The following NTN4 variants were observed in gnomAD, a reference collection of about 807,000 sequenced individuals.
The protein encoded by NTN4 is netrin 4.
NTN4 carries 32 observed loss-of-function variants against 73.6 expected under a neutral mutation model. That is an observed-to-expected ratio of 0.44 (90% CI 0.33 to 0.58). The LOEUF is 0.58. Ranked by LOEUF, NTN4 falls within the 20% of genes least tolerant of loss-of-function variation. NTN4 has a pLI of 0.04. For missense variants in NTN4, 654 were observed against 798.3 expected, an observed-to-expected ratio of 0.82 and a Z score of 2.18; for synonymous variants, 258 against 287.5, an observed-to-expected ratio of 0.90 and a Z score of 1.04.
chr12:95,681,518 T>C (rs1357796503), intron 7 of NTN4, among the ~76,000 whole-genome samples: 1 of 152,252 alleles, frequency 6.6e-6, no homozygotes, highest in Non-Finnish European at 1.5e-5. Flanking sequence ...TTTAACTTGA[T>C]GTGAGTTTAA....
chr12:95,755,123 A>T (rs2078939004), intron 2 of NTN4, among the ~76,000 whole-genome samples: 1 of 152,242 alleles, frequency 6.6e-6, no homozygotes, highest in African/African-American at 2.4e-5. Flanking sequence ...TTCCTAAAAT[A>T]TATGTAATTC....
chr12:95,773,155 C>T (rs1431970074), intron 2 of NTN4, among the ~76,000 whole-genome samples: 1 of 152,114 alleles, frequency 6.6e-6, no homozygotes, highest in African/African-American at 2.4e-5. Flanking sequence ...AGGCACCTGC[C>T]ACCACGCCCA....
chr12:95,712,787 CTTTTTTTTTTTTTT>C (rs35614636), intron 4 of NTN4, among the ~76,000 whole-genome samples: 9 of 105,734 alleles, frequency 8.5e-5, no homozygotes, highest in African/African-American at 1.5e-4. Context: ...TTCTTTCTTT[CTTTTTTTTTTTTTT>C]TTTTTTTTGT....
At chr12:95,731,523 G>A (rs1592691219) in intron 3 of NTN4, among the ~76,000 whole-genome samples, 1 of 152,046 alleles carries the variant, frequency 6.6e-6, no homozygotes. Context: ...CCGAGATTGC[G>A]CCACTGTGCA....
rs1340471777 is a variant in NTN4, at chr12:95,789,174, T to C, written c.55+1081A>G. 2.0e-5 allele frequency among the ~76,000 whole-genome samples: 3 copies of C among 152,206 alleles called. No homozygotes were observed. The highest frequency in any genetic ancestry group is 4.4e-5 in the Non-Finnish European group (3 of 68,038). ...AGTCACTCAAGGGACTATTCAATGA[T>C]ACTAAGGATGCTCCTGTGACTTGGA... On this transcript the variant is annotated intron_variant, in intron 1 of 9. Transcript: ENST00000343702. This position sits in a 1 kb window ranked among gnomAD's most constrained non-coding sequence, Gnocchi z 4.0.
intron 7 of NTN4, among the ~76,000 whole-genome samples, chr12:95,680,438 G>C (rs2078306590): frequency 6.6e-6 from 1 of 152,238 alleles, no homozygotes; most frequent in African/African-American, 2.4e-5. Context: ...TAGCCCGCAA[G>C]CTATAGAAAA....
At position 95,770,992 on chromosome 12, in the gene NTN4, G is replaced by GTTTC. The variant is rs1555221591; in HGVS notation, c.585+15946_585+15947insGAAA. On this transcript the variant is annotated intron_variant, in intron 2 of 9. Transcript: ENST00000343702. ...GATGAACCATCCAGGAAAAGAATTT[G>GTTTC]TTTTTTTTTTTTTTTGAGACAGAGT... is the stretch of plus-strand genomic sequence containing the variant. Among the ~76,000 whole-genome samples, 322 of 70,790 alleles carry GTTTC rather than the reference G, an allele frequency of 4.5e-3. 3 individuals are homozygous for GTTTC. The highest frequency in any genetic ancestry group is 0.018 in the Middle Eastern group (2 of 112). The allele number at this position is 70,790 out of a possible 152,430, so 46.4% of individuals were successfully genotyped here.
At position 95,665,889 on chromosome 12, in the gene NTN4, C is replaced by T. The variant is rs747237255; in HGVS notation, c.1671G>A (p.Leu557=). ...ATGTTCGCTTTCCTCGGAAAATCTT[C>T]AGTTTGGTAGATTTTAAGACCTTTT... The part of the protein sequence containing the change: ...KIKKVLKSTK[L]KIFRGKRTLY... The change falls in exon 9 of 10, where the codon CTG becomes CTA. Residue 557 remains leucine, a synonymous_variant. Transcript: ENST00000343702. 1 of 1,613,928 alleles carries T rather than the reference C, an allele frequency of 6.2e-7. No homozygotes were observed.
rs547875241 is a variant in NTN4, at chr12:95,769,503, G to A, written c.585+17436C>T. On this transcript the variant is annotated intron_variant, in intron 2 of 9. Coordinates refer to ENST00000343702, the MANE Select transcript of NTN4 (RefSeq NM_021229.4). ...TTGGGCAGCCCCCGGAATCACAGCT[G>A]ATTCAGAGATGCCACCGCAGCCAGT... Among the ~76,000 whole-genome samples the A allele has an allele frequency of 6.7e-4, 97 of 143,956 alleles. 1 individual carries two copies. The East Asian group carries it at 0.017, about 26-fold the overall frequency. 94.4% of individuals were successfully genotyped at this position (143,956 alleles called of 152,430 possible).
intron 2 of NTN4, among the ~76,000 whole-genome samples, chr12:95,778,210 G>A (rs1012391501): frequency 1.3e-5 from 2 of 152,076 alleles, no homozygotes; most frequent in African/African-American, 4.8e-5. Flanking sequence ...AAGAAAGCAG[G>A]AAATATCTAA....
chr12:95,787,277 C>T lies in NTN4; in HGVS notation c.247G>A (p.Ala83Thr). ...RQPKCDKCNA[A>T]YPHLAHLPSA... ...GGCAGGTGAGCCAGGTGAGGATAGG[C>T]AGCATTGCACTTGTCACATTTGGGC... The change falls in exon 2 of 10, where the codon GCC becomes ACC. Residue 83 changes from alanine to threonine, a missense_variant. Physicochemically the swap from Ala to Thr is moderately conservative, Grantham distance 58 (BLOSUM62 0). Transcript: ENST00000343702. 1 of 1,614,232 alleles carries T rather than the reference C, an allele frequency of 6.2e-7. No homozygotes were observed. Among genetic ancestry groups the T allele is most frequent in the Non-Finnish European group, 8.5e-7 (1 of 1,180,042 alleles).
intron 2 of NTN4, among the ~76,000 whole-genome samples, chr12:95,756,333 CT>C (rs1331837198): frequency 6.6e-6 from 1 of 152,184 alleles, no homozygotes; most frequent in Non-Finnish European, 1.5e-5. Context: ...GTAATACCTG[CT>C]TCTGCCTGGC....
chr12:95,683,515 G>T lies in NTN4; in HGVS notation c.1377C>A (p.Thr459=). The change falls in exon 6 of 10, where the codon ACC becomes ACA. Residue 459 remains threonine, a synonymous_variant. Coordinates refer to ENST00000343702, the MANE Select transcript of NTN4 (RefSeq NM_021229.4). Reference sequence around the variant, plus strand: ...ACATTCACCTGCTGATGCAGTCTCCGGTGATAGGGTCACAGCTCCCCGCAC... The same window carrying T: ...ACATTCACCTGCTGATGCAGTCTCCTGTGATAGGGTCACAGCTCCCCGCAC... ...CDCAGSCDPI[T]GDCISSHTDI... 6.2e-7 allele frequency: 1 copy of T among 1,614,022 alleles called. No homozygotes were observed. The highest frequency in any genetic ancestry group is 1.7e-5 in the Admixed American group (1 of 60,028).
chr12:95,775,409 G>C (rs1231768074), intron 2 of NTN4, among the ~76,000 whole-genome samples: 1 of 152,184 alleles, frequency 6.6e-6, no homozygotes, highest in South Asian at 2.1e-4. Flanking sequence ...AAGCACAAAG[G>C]GTCAGGGAAT....
At chr12:95,722,710 C>T (rs2078657893) in intron 3 of NTN4, among the ~76,000 whole-genome samples, 1 of 152,122 alleles carries the variant, frequency 6.6e-6, no homozygotes, top group Non-Finnish European at 1.5e-5. Context: ...TGCTGTGGCT[C>T]ATGCCTGTAA....
At chr12:95,756,775 C>T (rs944410320) in intron 2 of NTN4, among the ~76,000 whole-genome samples, 5 of 152,006 alleles carry the variant, frequency 3.3e-5, no homozygotes, top group Non-Finnish European at 5.9e-5. Flanking sequence ...TCCAGCCATA[C>T]CGAGAACCCC....
intron 3 of NTN4, among the ~76,000 whole-genome samples, chr12:95,725,843 G>A (rs2078689937): frequency 6.6e-6 from 1 of 152,106 alleles, no homozygotes; most frequent in Non-Finnish European, 1.5e-5. Flanking sequence ...AGTTACGCTT[G>A]TTTAGAAACT....
intron 2 of NTN4, among the ~76,000 whole-genome samples, chr12:95,768,139 G>A (rs1453607050): frequency 6.6e-6 from 1 of 152,178 alleles, no homozygotes; most frequent in Non-Finnish European, 1.5e-5. Flanking sequence ...CAGGCAGCAC[G>A]TGAGATGCTA....
intron 2 of NTN4, among the ~76,000 whole-genome samples, chr12:95,753,852 G>C (rs1007587333): frequency 2.0e-5 from 3 of 151,944 alleles, no homozygotes; most frequent in African/African-American, 7.3e-5. Flanking sequence ...AGTCTCATTC[G>C]ACACCAGACC....
Sources: allele counts gnomAD v4.1 joint callset (sites outside exome capture counted in the v4.1 genomes callset), GRCh38; gene constraint gnomAD v4.1.1; non-coding constraint Gnocchi (gnomAD v3.1); transcripts MANE v1.5; gene names NCBI Gene and HGNC (gene_info 2026-07-23, HGNC 2026-07-21).